CCDC73: variants seen among roughly 807,000 people sequenced by gnomAD.
CCDC73 encodes the protein coiled-coil domain containing 73, also known as coiled-coil domain-containing protein 73.
Under a neutral mutation model 116.5 loss-of-function variants are expected in CCDC73, and 95 were observed. That is an observed-to-expected ratio of 0.82 (90% CI 0.69 to 0.97). The LOEUF is 0.97. Ranked by LOEUF, CCDC73 falls within the 50% of genes least tolerant of loss-of-function variation. CCDC73 has a pLI of 0.00. For synonymous variants in CCDC73, 398 were observed against 401.3 expected (o/e 0.99, Z 0.10); for missense variants, 1,066 against 1,206.8 (o/e 0.88, Z 1.73).
intron 14 of CCDC73, among the ~76,000 whole-genome samples, chr11:32,628,011 C>G (rs1855592611): frequency 6.6e-6 from 1 of 152,042 alleles, no homozygotes. Flanking sequence ...AATTACAGAG[C>G]TCTTTAAAAA....
chr11:32,748,370 C>T (rs1850258882), intron 2 of CCDC73, among the ~76,000 whole-genome samples: 1 of 152,082 alleles, frequency 6.6e-6, no homozygotes. Flanking sequence ...AAAGTGATAA[C>T]AAATTAATAC....
chr11:32,736,944 A>AAG, intron 2 of CCDC73, among the ~76,000 whole-genome samples: 1 of 149,968 alleles, frequency 6.7e-6, no homozygotes, highest in Non-Finnish European at 1.5e-5. Context: ...TCTCACATAT[A>AAG]TATATATATA....
chr11:32,812,477 C>A, the CCDC73 span, among the ~76,000 whole-genome samples: 1 of 152,066 alleles, frequency 6.6e-6, no homozygotes, highest in Admixed American at 6.5e-5. Context: ...GCTAGCCTGA[C>A]CAACATGGAG....
chr11:32,808,869 T>C, the CCDC73 span, among the ~76,000 whole-genome samples: 2 of 152,234 alleles, frequency 1.3e-5, 1 homozygote, highest in South Asian at 4.1e-4. Flanking sequence ...TCAGACATTA[T>C]TCCTATTAAT....
chr11:32,659,233 A>C (rs556095510), intron 9 of CCDC73, among the ~76,000 whole-genome samples: 11 of 151,994 alleles, frequency 7.2e-5, no homozygotes, highest in African/African-American at 2.4e-4. Flanking sequence ...TTTTTTTCAG[A>C]GGTAGAGTGG....
At chr11:32,616,821 ATAAG>A (rs1404112529) in intron 14 of CCDC73, among the ~76,000 whole-genome samples, 2 of 152,222 alleles carry the variant, frequency 1.3e-5, no homozygotes, top group South Asian at 2.1e-4. Context: ...AGATAAGAAA[ATAAG>A]TAACAGGCAA....
intron 14 of CCDC73, among the ~76,000 whole-genome samples, chr11:32,629,908 T>A: frequency 8.7e-6 from 1 of 114,674 alleles, no homozygotes. Flanking sequence ...TGGAAAGAAT[T>A]CCAGCAGATA....
chr11:32,816,807 G>T, the CCDC73 span, among the ~76,000 whole-genome samples: 2 of 151,914 alleles, frequency 1.3e-5, no homozygotes, highest in East Asian at 3.9e-4. Context: ...TTTTGAGATG[G>T]AGTTTCACTC....
chr11:32,603,076 A>G (rs1590534451), intron 17 of CCDC73, 56 bp from the exon 18 acceptor site: 1 of 1,397,838 alleles, frequency 7.2e-7, no homozygotes, highest in Non-Finnish European at 9.9e-7. Flanking sequence ...GATTTTAAAG[A>G]GTCTGTAAAG....
chr11:32,612,477 G>A (rs559645475), intron 16 of CCDC73, among the ~76,000 whole-genome samples: 1 of 151,880 alleles, frequency 6.6e-6, no homozygotes, highest in South Asian at 2.1e-4. Context: ...CAGGCCGGGT[G>A]TGGTGGCTCC....
intron 1 of CCDC73, among the ~76,000 whole-genome samples, chr11:32,764,237 C>T (rs1463798684): frequency 1.3e-5 from 2 of 152,188 alleles, no homozygotes; most frequent in African/African-American, 4.8e-5. Flanking sequence ...GGCAGGCCAA[C>T]ATTCAAATTC....
Position 32,756,537 on chromosome 11 carries a change from T to C in CCDC73, c.135+3572A>G, listed in dbSNP as rs577169182. ...ACAACATCAAGTCCAAGATAATTTA[T>C]TACAATTGTATATTTTCTGTCTACC... On this transcript the variant is annotated intron_variant, in intron 2 of 17. Coordinates refer to ENST00000335185, the MANE Select transcript of CCDC73 (RefSeq NM_001008391.4). 3.3e-5 allele frequency among the ~76,000 whole-genome samples: 5 copies of C among 149,992 alleles called. No individual in the cohort carries two copies. In the East Asian group the frequency reaches 9.7e-4, roughly 29 times the overall value.
rs1850530753 is a variant in CCDC73 at position 32,776,171 on chromosome 11, C to T, written c.-15-15913G>A. On this transcript the variant is annotated intron_variant, in intron 1 of 17. Coordinates refer to ENST00000335185, the MANE Select transcript of CCDC73 (RefSeq NM_001008391.4). ...CTTCCTTCTAATTTGCTCTTAGATTCATTCTGCATCACTACTCCTACTGCT... is the reference window on the plus strand; with the variant it reads ...CTTCCTTCTAATTTGCTCTTAGATTTATTCTGCATCACTACTCCTACTGCT... Among the ~76,000 whole-genome samples the T allele has an allele frequency of 3.3e-5, 5 of 152,246 alleles. No homozygotes were observed. In the South Asian group the frequency reaches 1.0e-3, roughly 32 times the overall value.
At chr11:32,677,013 T>A (rs1158956825) in intron 7 of CCDC73, among the ~76,000 whole-genome samples, 2 of 152,224 alleles carry the variant, frequency 1.3e-5, no homozygotes, top group Non-Finnish European at 2.9e-5. Flanking sequence ...TCAATAACAC[T>A]TGTTAGAAGT....
At chr11:32,645,584 T>C (rs1855771569) in intron 12 of CCDC73, among the ~76,000 whole-genome samples, 1 of 151,986 alleles carries the variant, frequency 6.6e-6, no homozygotes, top group Admixed American at 6.6e-5. Context: ...CCACCACGCC[T>C]GGCCAACTTT....
chr11:32,710,209 G>A (rs1190894749), intron 3 of CCDC73, among the ~76,000 whole-genome samples: 1 of 151,982 alleles, frequency 6.6e-6, no homozygotes, highest in Admixed American at 6.6e-5. Context: ...TCTGATCTTT[G>A]TTATTTCTTT....
intron 3 of CCDC73, 36 bp downstream of exon 3, chr11:32,718,040 T>C (rs750818054): frequency 1.4e-6 from 2 of 1,421,622 alleles, no homozygotes; most frequent in Non-Finnish European, 9.8e-7. Context: ...AAGATGAGAT[T>C]TGGCTGGGGA....
the CCDC73 span, among the ~76,000 whole-genome samples, chr11:32,819,473 T>G: frequency 6.6e-6 from 1 of 151,490 alleles, no homozygotes; most frequent in Non-Finnish European, 1.5e-5. Flanking sequence ...AGAGGTTTTT[T>G]TTTTTTTTAA....
At chr11:32,633,771 T>C (rs1366143371) in intron 14 of CCDC73, among the ~76,000 whole-genome samples, 1 of 152,186 alleles carries the variant, frequency 6.6e-6, no homozygotes, top group African/African-American at 2.4e-5. Context: ...CTATGTAGCA[T>C]GTGCCAAAAT....
Sources: gnomAD v4.1 joint callset for allele counts (sites outside exome capture counted in the v4.1 genomes callset) on GRCh38, gnomAD v4.1.1 for gene constraint, MANE v1.5 for transcripts, NCBI Gene and HGNC (gene_info 2026-07-23, HGNC 2026-07-21) for gene names.